The following FOXP2 variants were observed in gnomAD, a reference collection of about 807,000 sequenced individuals.
The protein encoded by FOXP2 is forkhead box protein P2.
A neutral mutation model predicts 115.8 loss-of-function variants in FOXP2; 12 were observed. The observed-to-expected ratio is 0.10, with a 90% CI of 0.07 to 0.17. The LOEUF is 0.17. Among genes scored for constraint, FOXP2 ranks in the 10% least tolerant of loss-of-function variants. The pLI is 1.00. For missense variants in FOXP2, 629 were observed against 843.5 expected, an observed-to-expected ratio of 0.75 and a Z score of 3.15; for synonymous variants, 328 against 297.7, an observed-to-expected ratio of 1.10 and a Z score of -1.05.
intron 1 of FOXP2, among the ~76,000 whole-genome samples, chr7:114,420,865 C>T (rs1281229262): frequency 6.6e-6 from 1 of 151,554 alleles, no homozygotes. Flanking sequence ...GACAATTTAG[C>T]ATGTACCTTG....
At chr7:114,372,440 T>C (rs1792035923) in intron 2 of FOXP2, among the ~76,000 whole-genome samples, 1 of 152,144 alleles carries the variant, frequency 6.6e-6, no homozygotes. Flanking sequence ...AAACACAGCA[T>C]TTCCTGGGAA....
chr7:114,594,785 A>G (rs1386770969), intron 3 of FOXP2, among the ~76,000 whole-genome samples: 1 of 152,020 alleles, frequency 6.6e-6, no homozygotes, highest in Non-Finnish European at 1.5e-5. Flanking sequence ...TTAAAACATC[A>G]AAGATTGAAC....
At chr7:114,628,058 AT>A (rs1315958807) in intron 3 of FOXP2, among the ~76,000 whole-genome samples, 3 of 152,060 alleles carry the variant, frequency 2.0e-5, no homozygotes, top group Non-Finnish European at 2.9e-5. Context: ...TGATGATTAT[AT>A]TTTTAAGTAA....
intron 16 of FOXP2, chr7:114,668,755 T>C (rs1485368940): frequency 6.6e-6 from 1 of 152,206 alleles, no homozygotes; most frequent in Non-Finnish European, 1.5e-5. Context: ...GATTATGTTT[T>C]AGACAAATTA....
At chr7:114,167,105 C>T (rs566113622) in intron 1 of FOXP2, among the ~76,000 whole-genome samples, 7 of 152,284 alleles carry the variant, frequency 4.6e-5, no homozygotes, top group East Asian at 1.9e-4. Context: ...TAGCTGAAAA[C>T]GTAAGTCCAC....
chr7:114,460,784 GC>G (rs1258064592), intron 2 of FOXP2, among the ~76,000 whole-genome samples: 1 of 152,134 alleles, frequency 6.6e-6, no homozygotes, highest in Non-Finnish European at 1.5e-5. Flanking sequence ...AGTTTCAGTG[GC>G]AATCAAAAAC....
At chr7:114,349,480 C>A (rs1791426251) in intron 2 of FOXP2, among the ~76,000 whole-genome samples, 1 of 152,048 alleles carries the variant, frequency 6.6e-6, no homozygotes, top group African/African-American at 2.4e-5. Flanking sequence ...TGCTATCTTC[C>A]CATTAGATGA....
At chr7:114,636,649 A>G (rs1025637392) in intron 6 of FOXP2, among the ~76,000 whole-genome samples, 1 of 151,602 alleles carries the variant, frequency 6.6e-6, no homozygotes, top group Non-Finnish European at 1.5e-5. Flanking sequence ...TGAGTGTAAA[A>G]AAGCTGCCAA....
At chr7:114,469,076 G>T (rs983119486) in intron 2 of FOXP2, among the ~76,000 whole-genome samples, 9 of 152,080 alleles carry the variant, frequency 5.9e-5, no homozygotes, top group African/African-American at 2.2e-4. Flanking sequence ...GCCTGTGATC[G>T]GCTCCTGTTC....
At chr7:114,621,852 T>C (rs1804273755) in intron 3 of FOXP2, among the ~76,000 whole-genome samples, 1 of 152,022 alleles carries the variant, frequency 6.6e-6, no homozygotes, top group Admixed American at 6.6e-5. Context: ...TAACTACTTC[T>C]CCCTATAGCA....
chr7:114,115,371 T>C (rs1282221110), intron 1 of FOXP2, among the ~76,000 whole-genome samples: 1 of 152,142 alleles, frequency 6.6e-6, no homozygotes, highest in African/African-American at 2.4e-5. Context: ...TTTTATGTTA[T>C]CCCTGTGGTT....
chr7:114,559,012 T>C (rs1008074090), intron 3 of FOXP2, among the ~76,000 whole-genome samples: 3 of 151,240 alleles, frequency 2.0e-5, no homozygotes. Flanking sequence ...CTCCAAATGT[T>C]CATAAGAAAT....
intron 1 of FOXP2, among the ~76,000 whole-genome samples, chr7:114,279,740 T>G (rs1178229790): frequency 6.6e-6 from 1 of 151,758 alleles, no homozygotes; most frequent in Non-Finnish European, 1.5e-5. Flanking sequence ...CATAAATGCT[T>G]ATGTCTTAAA....
At chr7:114,429,476 A>G (rs1040235144) in intron 2 of FOXP2, among the ~76,000 whole-genome samples, 1 of 151,460 alleles carries the variant, frequency 6.6e-6, no homozygotes, top group Non-Finnish European at 1.5e-5. Flanking sequence ...TGTATAATAT[A>G]TGGACGTAGC....
intron 1 of FOXP2, among the ~76,000 whole-genome samples, chr7:114,157,089 C>T (rs1254573666): frequency 6.6e-6 from 1 of 152,128 alleles, no homozygotes; most frequent in African/African-American, 2.4e-5. Flanking sequence ...ACATAACTGT[C>T]TTTGAGTTAT....
chr7:114,496,088 A>T, intron 2 of FOXP2, among the ~76,000 whole-genome samples: 1 of 152,164 alleles, frequency 6.6e-6, no homozygotes, highest in East Asian at 1.9e-4. Flanking sequence ...AAAGTGGTGA[A>T]TTCATTTTGT....
intron 2 of FOXP2, among the ~76,000 whole-genome samples, chr7:114,524,648 A>AT (rs1022221467): frequency 3.3e-5 from 5 of 152,140 alleles, no homozygotes; most frequent in African/African-American, 9.7e-5. Flanking sequence ...TAAATTTAGA[A>AT]TTATAACTGG....
chr7:114,642,808 A>G (rs1201031849), intron 7 of FOXP2, among the ~76,000 whole-genome samples, 185 bp downstream of exon 7: 1 of 58,472 alleles, frequency 1.7e-5, no homozygotes. Context: ...ATATATATAT[A>G]TATATTTTTT....
intron 13 of FOXP2, among the ~76,000 whole-genome samples, chr7:114,661,407 A>G (rs1446031688): frequency 6.6e-6 from 1 of 152,124 alleles, no homozygotes; most frequent in Non-Finnish European, 1.5e-5. Context: ...CATTATGGGA[A>G]GAAAATGTAC....
Sources: allele counts gnomAD v4.1 joint callset (sites outside exome capture counted in the v4.1 genomes callset), GRCh38; gene constraint gnomAD v4.1.1; transcripts MANE v1.5; gene names NCBI Gene and HGNC (gene_info 2026-07-23, HGNC 2026-07-21).